IL18RAP: variants seen among roughly 807,000 people sequenced by gnomAD.
The protein encoded by IL18RAP is interleukin 18 receptor accessory protein.
In IL18RAP, 37 loss-of-function variants were observed where a neutral mutation model predicts 58.1. The observed-to-expected ratio is 0.64, with a 90% CI of 0.49 to 0.84. The LOEUF (loss-of-function observed/expected upper bound fraction) is 0.84, where lower values mean the gene tolerates loss of function less well. Among genes scored for constraint, IL18RAP ranks in the 40% least tolerant of loss-of-function variants. The probability of loss-of-function intolerance (pLI) is 0.00; values close to 1 mark genes in which losing one functional copy is unlikely to be tolerated. For synonymous variants in IL18RAP, 268 were observed against 257.5 expected, an observed-to-expected ratio of 1.04 and a Z score of -0.39; for missense variants, 667 against 704.8, an observed-to-expected ratio of 0.95 and a Z score of 0.61.
rs1419012733 is a variant in IL18RAP, at chr2:102,452,250, C to G, written c.*69C>G. On this transcript the variant is annotated 3_prime_UTR_variant, in exon 10 of 10. Coordinates refer to ENST00000687160, the MANE Select transcript of IL18RAP (RefSeq NM_001393487.1). Reference sequence around the variant, plus strand: ...ATGTTGCTGGACAGAACTCACAGCTCTGTGTGTGTGTGTTCAGGCTGATAG... The same window carrying G: ...ATGTTGCTGGACAGAACTCACAGCTGTGTGTGTGTGTGTTCAGGCTGATAG... The G allele has an allele frequency of 1.0e-5, 14 of 1,398,730 alleles. No individual in the cohort carries two copies. In the Admixed American group the frequency reaches 2.0e-4, roughly 20 times the overall value. The allele number at this position is 1,398,730 out of a possible 1,614,324, so 86.6% of individuals were successfully genotyped here. A position where few individuals can be genotyped will look rare whatever the true frequency, so the allele number is the denominator to read the frequency against.
At position 102,424,983 on chromosome 2, in the gene IL18RAP, A is replaced by G. The variant is rs541419664; in HGVS notation, c.579+569A>G. ...TCACAATGACTTTTAGCTATGAACC[A>G]CATGTACGTGAACTCCCATAACAAA... On this transcript the variant is annotated intron_variant, in intron 3 of 9. Transcript: ENST00000687160. 2.6e-5 allele frequency among the ~76,000 whole-genome samples: 4 copies of G among 152,320 alleles called. No homozygotes were observed. In the East Asian group the frequency reaches 7.7e-4, roughly 29 times the overall value.
At chr2:102,419,117 G>A (rs1209150420), upstream of IL18RAP, among the ~76,000 whole-genome samples, 1 of 152,058 alleles carries the variant, frequency 6.6e-6, no homozygotes, top group Non-Finnish European at 1.5e-5. Flanking sequence ...TATATACGGA[G>A]TCTTCACTTA....
At chr2:102,421,086 C>T (rs1318813404), upstream of IL18RAP, among the ~76,000 whole-genome samples, 2 of 152,184 alleles carry the variant, frequency 1.3e-5, no homozygotes, top group South Asian at 4.1e-4. Context: ...TACTGAGCTC[C>T]TGTTATCAGC....
intron 6 of IL18RAP, 139 bp from the exon 7 acceptor site, chr2:102,445,050 C>T: frequency 1.6e-6 from 1 of 638,462 alleles, no homozygotes; most frequent in Non-Finnish European, 2.7e-6. Context: ...GACCATCTTA[C>T]ATTCTCGTGG....
chr2:102,447,710 G>A (rs1461369202), intron 8 of IL18RAP, among the ~76,000 whole-genome samples: 1 of 138,978 alleles, frequency 7.2e-6, no homozygotes, highest in Non-Finnish European at 1.5e-5. Flanking sequence ...ATTCATTTAT[G>A]TATGTATGTA....
chr2:102,437,724 TC>T (rs1385861512), intron 4 of IL18RAP, among the ~76,000 whole-genome samples: 1 of 152,252 alleles, frequency 6.6e-6, no homozygotes, highest in Non-Finnish European at 1.5e-5. Context: ...TAATTTTTTT[TC>T]TTTAAAGTAA....
intron 3 of IL18RAP, among the ~76,000 whole-genome samples, chr2:102,436,324 A>G (rs187392365): frequency 6.6e-6 from 1 of 152,236 alleles, no homozygotes; most frequent in East Asian, 1.9e-4. Flanking sequence ...CTGAAGTTTT[A>G]TCTTTGAATT....
At chr2:102,424,676 T>G (rs745657539) in intron 3 of IL18RAP, among the ~76,000 whole-genome samples, 1 of 152,200 alleles carries the variant, frequency 6.6e-6, no homozygotes, top group Non-Finnish European at 1.5e-5. Context: ...ACACATGAGG[T>G]TAGACATAAA....
chr2:102,435,238 T>C (rs1462818037), intron 3 of IL18RAP: 1 of 152,092 alleles, frequency 6.6e-6, no homozygotes, highest in Non-Finnish European at 1.5e-5. Flanking sequence ...CTCATGATGG[T>C]TATGGGGACC....
At chr2:102,430,365 A>G (rs114654243) in intron 3 of IL18RAP, among the ~76,000 whole-genome samples, 1,560 of 152,110 alleles carry the variant, frequency 0.01, 26 homozygotes, top group African/African-American at 0.036. Context: ...GTCTGATATA[A>G]GTAGAGCTAT....
intron 6 of IL18RAP, 59 bp from the exon 7 acceptor site, chr2:102,445,130 C>T: frequency 1.3e-6 from 2 of 1,513,284 alleles, no homozygotes; most frequent in Non-Finnish European, 1.8e-6. Flanking sequence ...GTTCCAAATG[C>T]TGCAAATGGG....
intron 1 of IL18RAP, among the ~76,000 whole-genome samples, 187 bp downstream of exon 1, chr2:102,423,534 C>T (rs1269059147): frequency 6.6e-6 from 1 of 152,120 alleles, no homozygotes; most frequent in Non-Finnish European, 1.5e-5. Context: ...GTCGAGGTAC[C>T]CTGTTACTGT....
intron 8 of IL18RAP, 56 bp downstream of exon 8, chr2:102,447,263 G>A: frequency 6.3e-7 from 1 of 1,579,880 alleles, no homozygotes; most frequent in Non-Finnish European, 8.6e-7. Context: ...TTGACTTGGA[G>A]CAGGACAACA....
At chr2:102,419,295 A>C (rs1435329408), upstream of IL18RAP, 7 of 152,222 alleles carry the variant, frequency 4.6e-5, no homozygotes, top group Non-Finnish European at 8.8e-5. Flanking sequence ...TGTTATCCCT[A>C]GACAATGGGG....
At position 102,441,397 on chromosome 2, in the gene IL18RAP, C is replaced by T; in HGVS notation, c.796+20C>T. On this transcript the variant is annotated intron_variant, in intron 5 of 9. Coordinates refer to ENST00000687160, the MANE Select transcript of IL18RAP (RefSeq NM_001393487.1). ...AACTTGGTAAGCTGGGCCTCATCGC[C>T]TTTGAATGACATCGTGCTGCTGGGA... The T allele has an allele frequency of 6.3e-7, 1 of 1,594,294 alleles. No homozygotes were observed. Among genetic ancestry groups the T allele is most frequent in the South Asian group, 1.1e-5 (1 of 90,636 alleles).
chr2:102,443,410 G>T, intron 6 of IL18RAP, 87 bp downstream of exon 6: 1 of 1,464,692 alleles, frequency 6.8e-7, no homozygotes, highest in Non-Finnish European at 9.2e-7. Flanking sequence ...ACAGTTGATG[G>T]TGTAGCCACC....
chr2:102,435,656 C>T (rs1178799991), intron 3 of IL18RAP, among the ~76,000 whole-genome samples: 2 of 152,104 alleles, frequency 1.3e-5, no homozygotes, highest in African/African-American at 4.8e-5. Context: ...GTGTGTTGTC[C>T]AAATCCAGGA....
intron 3 of IL18RAP, among the ~76,000 whole-genome samples, chr2:102,428,847 T>C (rs887269171): frequency 1.3e-5 from 2 of 151,990 alleles, no homozygotes; most frequent in African/African-American, 4.8e-5. Context: ...TTGTCATATA[T>C]GGCCTTTATT....
intron 3 of IL18RAP, chr2:102,435,341 A>C (rs1046332223): frequency 6.6e-6 from 1 of 152,232 alleles, no homozygotes; most frequent in Admixed American, 6.5e-5. Flanking sequence ...GATGCTAGTG[A>C]TATTTTCATG....
Sources: gnomAD v4.1 joint callset for allele counts (sites outside exome capture counted in the v4.1 genomes callset) on GRCh38, gnomAD v4.1.1 for gene constraint, MANE v1.5 for transcripts, NCBI Gene and HGNC (gene_info 2026-07-23, HGNC 2026-07-21) for gene names.